CTNNA3: variants seen among roughly 807,000 people sequenced by gnomAD.
The protein encoded by CTNNA3 is catenin alpha-3.
In CTNNA3, 76 loss-of-function variants were observed where a neutral mutation model predicts 95.7. The ratio of observed to expected loss-of-function variants is 0.79; its 90% CI spans 0.66 to 0.96. CTNNA3 has a LOEUF of 0.96. Among genes scored for constraint, CTNNA3 ranks in the 40% least tolerant of loss-of-function variants. CTNNA3 has a pLI of 0.00. For missense variants in CTNNA3, 1,191 were observed against 1,089.8 expected (o/e 1.09, Z -1.31); for synonymous variants, 431 against 374.4 (o/e 1.15, Z -1.74).
intron 13 of CTNNA3, among the ~76,000 whole-genome samples, chr10:66,268,388 A>C (rs10997020): frequency 0.15 from 23,209 of 152,030 alleles, 1,931 homozygotes; most frequent in East Asian, 0.28. Context: ...TTATTCTTGG[A>C]TCCCTGAAAT....
At chr10:66,658,211 ATTCTCTCTCTCTCT>A (rs1846134382) in intron 9 of CTNNA3, among the ~76,000 whole-genome samples, 1 of 140,814 alleles carries the variant, frequency 7.1e-6, no homozygotes, top group Non-Finnish European at 1.5e-5. Flanking sequence ...TGACTAGAAA[ATTCTCTCTCTCTCT>A]TTCTCTCTCT....
intron 7 of CTNNA3, among the ~76,000 whole-genome samples, chr10:67,092,693 A>G (rs1167876976): frequency 6.6e-6 from 1 of 151,982 alleles, no homozygotes; most frequent in East Asian, 1.9e-4. Context: ...TATGAATGGG[A>G]AAAAGACCAT....
At chr10:66,225,390 A>AATATATATATATATATATAT (rs3053735) in intron 13 of CTNNA3, among the ~76,000 whole-genome samples, 2 of 125,968 alleles carry the variant, frequency 1.6e-5, no homozygotes, top group East Asian at 2.4e-4. Context: ...ATTTTATTCA[A>AATATATATATATATATATAT]ATATATATAT....
rs1223745980 is a variant in CTNNA3 at position 66,476,652 on chromosome 10, GA to G, written c.1531+43964del. Among the ~76,000 whole-genome samples the G allele has an allele frequency of 1.7e-4, 26 of 151,974 alleles. 1 individual carries two copies. In the East Asian group the frequency reaches 5.0e-3, roughly 29 times the overall value. On this transcript the variant is annotated intron_variant, in intron 11 of 17. Coordinates refer to ENST00000433211, the MANE Select transcript of CTNNA3 (RefSeq NM_013266.4). ...ATGTATTATTTTATAACATACTGCA[GA>G]AAAATATATTTCATCTTCATTTTAT...
At position 66,353,603 on chromosome 10, in the gene CTNNA3, T is replaced by C. The variant is rs568210053; in HGVS notation, c.1732+25549A>G. Among the ~76,000 whole-genome samples, 4 of 152,220 alleles carry C rather than the reference T, an allele frequency of 2.6e-5. No homozygotes were observed. The East Asian group carries it at 7.7e-4, about 29-fold the overall frequency. ...AAAAGAACATGGAAGTAAACTTATC[T>C]ACATAAATTAGGTCAGACAGCTGGT... On this transcript the variant is annotated intron_variant, in intron 12 of 17. Transcript: ENST00000433211.
At chr10:65,998,139 A>G (rs1217069719) in intron 15 of CTNNA3, among the ~76,000 whole-genome samples, 2 of 152,250 alleles carry the variant, frequency 1.3e-5, no homozygotes, top group African/African-American at 4.8e-5. Context: ...CAAGGTAGGA[A>G]AAAAGCAAGA....
chr10:66,952,809 T>G (rs529084865), intron 7 of CTNNA3, among the ~76,000 whole-genome samples: 68 of 152,092 alleles, frequency 4.5e-4, no homozygotes, highest in African/African-American at 1.6e-3. Flanking sequence ...AAATTAGCCC[T>G]GCTTGTAATT....
chr10:66,053,443 T>C (rs1261885528), intron 15 of CTNNA3, among the ~76,000 whole-genome samples: 4 of 152,030 alleles, frequency 2.6e-5, no homozygotes, highest in East Asian at 3.9e-4. Context: ...GGGCATGCGA[T>C]GTGAAATAAA....
chr10:66,957,392 A>G (rs4745922), intron 7 of CTNNA3, among the ~76,000 whole-genome samples: 54,517 of 88,836 alleles, frequency 0.61, 13,662 homozygotes, highest in East Asian at 0.71. Context: ...GTATATATAT[A>G]CATATATATA....
intron 7 of CTNNA3, chr10:66,926,483 C>G: frequency 7.3e-7 from 1 of 1,369,336 alleles, no homozygotes; most frequent in Non-Finnish European, 1.0e-6. Flanking sequence ...TGGGTGTCAG[C>G]GAGCCCTGAC....
intron 5 of CTNNA3, among the ~76,000 whole-genome samples, chr10:67,350,910 G>GTGTATATATATATATATATA (rs146861544): frequency 5.1e-4 from 73 of 141,798 alleles, no homozygotes; most frequent in African/African-American, 1.8e-3. Flanking sequence ...AAAAGTATGT[G>GTGTATATATATATATATATA]TATATATATA....
chr10:66,733,577 G>C lies in CTNNA3; in HGVS notation c.1281+32687C>G, dbSNP rs543675566. 1.6e-3 allele frequency among the ~76,000 whole-genome samples: 246 copies of C among 151,460 alleles called. 1 individual carries two copies. The highest frequency in any genetic ancestry group is 5.6e-3 in the African/African-American group (231 of 41,392). ...TATTTGTTTAATTTGTATTGTTAAA[G>C]GGCTTTTCCAAAAGATTGAAACAAA... On this transcript the variant is annotated intron_variant, in intron 9 of 17. Coordinates refer to ENST00000433211, the MANE Select transcript of CTNNA3 (RefSeq NM_013266.4).
At chr10:66,953,045 G>T (rs1848620184) in intron 7 of CTNNA3, among the ~76,000 whole-genome samples, 1 of 151,978 alleles carries the variant, frequency 6.6e-6, no homozygotes, top group Non-Finnish European at 1.5e-5. Flanking sequence ...AGAAAACAGA[G>T]CCTACTGAGA....
In CTNNA3 at chr10:66,479,638, G is replaced by A. The variant is rs551259415; in HGVS notation, c.1531+40979C>T. The stretch of plus-strand genomic sequence containing the variant: ...AGTGTATTAAAATTGTGAATCATAA[G>A]TACTTTGAAATTAAATAAAATTCAA... On this transcript the variant is annotated intron_variant, in intron 11 of 17. Transcript: ENST00000433211. Among the ~76,000 whole-genome samples, 11 of 151,914 alleles carry A rather than the reference G, an allele frequency of 7.2e-5. No individual in the cohort carries two copies. The South Asian group carries it at 2.1e-3, about 29-fold the overall frequency.
intron 5 of CTNNA3, among the ~76,000 whole-genome samples, chr10:67,321,767 T>C (rs944587258): frequency 4.6e-5 from 7 of 152,178 alleles, no homozygotes; most frequent in African/African-American, 7.2e-5. Context: ...CAACTTGATT[T>C]CTGTTTTTGG....
chr10:67,477,555 C>A (rs2133043597), intron 5 of CTNNA3, among the ~76,000 whole-genome samples: 1 of 152,236 alleles, frequency 6.6e-6, no homozygotes, highest in East Asian at 1.9e-4. Flanking sequence ...TAAAGTGCAG[C>A]CCTATAGTGC....
At chr10:66,359,830 A>AT (rs10606849) in intron 12 of CTNNA3, among the ~76,000 whole-genome samples, 33 of 143,820 alleles carry the variant, frequency 2.3e-4, no homozygotes, top group South Asian at 1.3e-3. Flanking sequence ...TCATCTTACT[A>AT]TTTTTTTTTT....
chr10:66,705,160 C>A lies in CTNNA3; in HGVS notation c.1281+61104G>T, dbSNP rs950494245. On this transcript the variant is annotated intron_variant, in intron 9 of 17. Transcript: ENST00000433211. Reference sequence around the variant, plus strand: ...CTTTTTTAATTTGTTACTATGGTAACCTTACATTGATTTGTTTTAATGTTA... The same window carrying A: ...CTTTTTTAATTTGTTACTATGGTAAACTTACATTGATTTGTTTTAATGTTA... Among the ~76,000 whole-genome samples, 6 of 151,832 alleles carry A rather than the reference C, an allele frequency of 4.0e-5. No homozygotes were observed. The South Asian group carries it at 1.2e-3, about 32-fold the overall frequency.
chr10:67,733,576 C>G (rs963821801), intron 1 of CTNNA3, among the ~76,000 whole-genome samples: 1 of 152,164 alleles, frequency 6.6e-6, no homozygotes, highest in African/African-American at 2.4e-5. Context: ...CTAAATTATA[C>G]TCACCACTTA....
Sources: allele counts gnomAD v4.1 joint callset (sites outside exome capture counted in the v4.1 genomes callset), GRCh38; gene constraint gnomAD v4.1.1; transcripts MANE v1.5; gene names NCBI Gene and HGNC (gene_info 2026-07-23, HGNC 2026-07-21).